The following RBM5 variants were observed in gnomAD, a reference collection of about 807,000 sequenced individuals.
The protein encoded by RBM5 is RNA binding motif protein 5.
In RBM5, 15 loss-of-function variants were observed where a neutral mutation model predicts 124.6. That is an observed-to-expected ratio of 0.12 (90% confidence interval 0.08 to 0.19). The LOEUF is 0.19. Among genes scored for constraint, RBM5 ranks in the 10% least tolerant of loss-of-function variants. The pLI, the probability that RBM5 is intolerant of heterozygous loss-of-function variation, is 1.00. For missense variants in RBM5, 580 were observed against 1,026.5 expected (o/e 0.57, Z 5.94); for synonymous variants, 337 against 361.2 (o/e 0.93, Z 0.76).
At position 50,103,247 on chromosome 3, in the gene RBM5, A is replaced by G. The variant is rs1285651504; in HGVS notation, c.567+81A>G. ...TTCTGTTTGTTTATTTGACTGTCCAAACAAGGAAATTGTTACTCAATCATC... is the reference window on the plus strand; with the variant it reads ...TTCTGTTTGTTTATTTGACTGTCCAGACAAGGAAATTGTTACTCAATCATC... On this transcript the variant is annotated intron_variant, in intron 7 of 24. Coordinates refer to ENST00000347869, the MANE Select transcript of RBM5 (RefSeq NM_005778.4). 20 of 1,165,368 alleles carry G rather than the reference A, an allele frequency of 1.7e-5. No homozygotes were observed. The East Asian group carries it at 4.5e-4, about 26-fold the overall frequency. The allele number at this position is 1,165,368 out of a possible 1,614,324, so 72.2% of individuals were successfully genotyped here.
chr3:50,103,169 A>G lies in RBM5; in HGVS notation c.567+3A>G. 8 of 1,599,546 alleles carry G rather than the reference A, an allele frequency of 5.0e-6. No individual in the cohort carries two copies. In the South Asian group the frequency reaches 8.8e-5, roughly 18 times the overall value. On this transcript the variant is annotated splice_donor_region_variant and intron_variant, in intron 7 of 24. Transcript: ENST00000347869. ...TTGAAGATTGGCTTTGTAACAAGGT[A>G]AGCATATGTTCTTCCCAAATAGACA... is the stretch of plus-strand genomic sequence containing the variant.
chr3:50,100,067 G>C lies in RBM5; in HGVS notation c.409+16G>C, dbSNP rs1339094168. 3 of 1,610,678 alleles carry C rather than the reference G, an allele frequency of 1.9e-6. No homozygotes were observed. In the African/African-American group the frequency reaches 4.0e-5, roughly 22 times the overall value. On this transcript the variant is annotated intron_variant, in intron 5 of 24. Transcript: ENST00000347869. This position sits in a 1 kb window ranked among gnomAD's most constrained non-coding sequence, Gnocchi z 5.1. Reference sequence around the variant, plus strand: ...AGGAAAACAGGTGAGAGCTTGCTTAGTTCCTGATATTATTGTTCTCTTCCC... The same window carrying C: ...AGGAAAACAGGTGAGAGCTTGCTTACTTCCTGATATTATTGTTCTCTTCCC...
In RBM5 at chr3:50,103,068, C is replaced by A. The variant is rs1559685646; in HGVS notation, c.484-15C>A. Reference sequence around the variant, plus strand: ...TCCTCACAATGGGAATAACTAATTACTTCTTTTCTTACAGAAAAAGTTGGT... The same window carrying A: ...TCCTCACAATGGGAATAACTAATTAATTCTTTTCTTACAGAAAAAGTTGGT... On this transcript the variant is annotated splice_polypyrimidine_tract_variant and intron_variant, in intron 6 of 24. Coordinates refer to ENST00000347869, the MANE Select transcript of RBM5 (RefSeq NM_005778.4). 6.4e-7 allele frequency: 1 copy of A among 1,571,478 alleles called. No individual in the cohort carries two copies. Among genetic ancestry groups the A allele is most frequent in the Non-Finnish European group, 8.8e-7 (1 of 1,141,316 alleles).
At chr3:50,110,315 A>G in intron 15 of RBM5, 64 bp from the exon 16 acceptor site, 1 of 1,389,074 alleles carries the variant, frequency 7.2e-7, no homozygotes, top group South Asian at 1.2e-5. Context: ...GGATGATTGC[A>G]GTGATTTAGC....
intron 12 of RBM5, 55 bp downstream of exon 12, chr3:50,107,624 C>A: frequency 1.8e-6 from 2 of 1,142,016 alleles, no homozygotes; most frequent in Non-Finnish European, 2.6e-6. Context: ...CCCAGATTCA[C>A]AGACGTGACC....
chr3:50,093,440 C>CAA (rs575148089), intron 3 of RBM5, among the ~76,000 whole-genome samples: 4 of 88,584 alleles, frequency 4.5e-5, no homozygotes, highest in South Asian at 3.6e-4. Context: ...GAAACTGTCT[C>CAA]AAAAAAAAAA....
chr3:50,107,308 C>T (rs1013105675), intron 11 of RBM5, among the ~76,000 whole-genome samples, 174 bp from the exon 12 acceptor site: 12 of 152,184 alleles, frequency 7.9e-5, no homozygotes, highest in Non-Finnish European at 2.9e-5. Context: ...AATGATACTA[C>T]AGGGCCACTT....
At position 50,118,698 on chromosome 3, in the gene RBM5, T is replaced by C; in HGVS notation, c.*242T>C. ...ACAGACCGGAGAGGACAGTGGATTG[T>C]TTATACTCCAGTGTACATAGTGTAA... On this transcript the variant is annotated 3_prime_UTR_variant, in exon 25 of 25. Transcript: ENST00000347869. The C allele has an allele frequency of 3.5e-6, 2 of 578,240 alleles. No individual in the cohort carries two copies. Among genetic ancestry groups the C allele is most frequent in the Non-Finnish European group, 6.1e-6 (2 of 328,304 alleles). The allele number at this position is 578,240 out of a possible 1,614,324, so 35.8% of individuals were successfully genotyped here. A position where few individuals can be genotyped will look rare whatever the true frequency, so the allele number is the denominator to read the frequency against.
chr3:50,105,399 C>T (rs113452623), intron 9 of RBM5, 150 bp from the exon 10 acceptor site: 7 of 919,774 alleles, frequency 7.6e-6, no homozygotes, highest in African/African-American at 6.6e-5. Context: ...CCTTAAAAGA[C>T]AGGATTTTTA....
chr3:50,110,610 T>G (rs560940230), intron 16 of RBM5, 69 bp from the exon 17 acceptor site: 1 of 1,496,212 alleles, frequency 6.7e-7, no homozygotes, highest in East Asian at 2.3e-5. Flanking sequence ...TGCATCTCAC[T>G]GGCTTAGAAT....
chr3:50,100,428 ATTGG>A lies in RBM5; in HGVS notation c.410-103_410-100del. On this transcript the variant is annotated intron_variant, in intron 5 of 24. Coordinates refer to ENST00000347869, the MANE Select transcript of RBM5 (RefSeq NM_005778.4). The surrounding 1 kb of genome is among the most constrained non-coding windows in gnomAD (Gnocchi z 5.1). ...GTCACATTTGTAAAGCTGCTTCCCA[ATTGG>A]CTTTGTCACGCAGTGTTGAAGCAGT... is the stretch of plus-strand genomic sequence containing the variant. 1 of 947,988 alleles carries A rather than the reference ATTGG, an allele frequency of 1.1e-6. No homozygotes were observed. The highest frequency in any genetic ancestry group is 2.4e-5 in the East Asian group (1 of 40,938). The allele number at this position is 947,988 out of a possible 1,614,324, so 58.7% of individuals were successfully genotyped here. A position where few individuals can be genotyped will look rare whatever the true frequency, so the allele number is the denominator to read the frequency against.
At chr3:50,092,953 T>G (rs1348938540) in intron 3 of RBM5, 1 of 208,048 alleles carries the variant, frequency 4.8e-6, no homozygotes, top group East Asian at 1.3e-4. Context: ...CTTTTTTTTT[T>G]TTTTTTTTTT....
intron 17 of RBM5, chr3:50,113,106 C>T (rs946544782): frequency 4.5e-6 from 1 of 222,790 alleles, no homozygotes; most frequent in Non-Finnish European, 8.9e-6. Flanking sequence ...TGCCCACCAC[C>T]ACCTCCCAAA....
Position 50,106,775 on chromosome 3 carries a change from T to G in RBM5, c.864T>G (p.Ser288=). 1 of 1,607,434 alleles carries G rather than the reference T, an allele frequency of 6.2e-7. No homozygotes were observed. The highest frequency in any genetic ancestry group is 8.5e-7 in the Non-Finnish European group (1 of 1,173,924). The change falls in exon 11 of 25, where the codon TCT becomes TCG. Residue 288 remains serine, a synonymous_variant. Transcript: ENST00000347869. ...TTCACATTCTCCTTCAGGATGCTTC[T>G]CAGCTGCTTCAGATATTACAGAGTC... ...FVQLSSAMDA[S]QLLQILQSLH... is the part of the protein sequence containing the mutation.
chr3:50,107,159 A>G, intron 11 of RBM5: 1 of 656,226 alleles, frequency 1.5e-6, no homozygotes, highest in South Asian at 1.5e-5. Context: ...CCATCCAGAA[A>G]TAACCCATTC....
At chr3:50,110,297 T>C in intron 15 of RBM5, 82 bp from the exon 16 acceptor site, 1 of 1,224,676 alleles carries the variant, frequency 8.2e-7, no homozygotes, top group Non-Finnish European at 1.2e-6. Context: ...AGGGGAGCCC[T>C]TCCTCCTGGA....
chr3:50,104,960 A>G lies in RBM5; in HGVS notation c.629-117A>G, dbSNP rs1187782370. 3.7e-6 allele frequency: 3 copies of G among 818,438 alleles called. No individual in the cohort carries two copies. The African/African-American group carries it at 5.2e-5, about 14-fold the overall frequency. 50.7% of individuals were successfully genotyped at this position (818,438 alleles called of 1,614,324 possible). A position where few individuals can be genotyped will look rare whatever the true frequency, so the allele number is the denominator to read the frequency against. ...TTTACTATAGGCACAAATGCTTAAAAAAGAAAAAAACGATTGTTTTGTGTG... is the reference window on the plus strand; with the variant it reads ...TTTACTATAGGCACAAATGCTTAAAGAAGAAAAAAACGATTGTTTTGTGTG... On this transcript the variant is annotated intron_variant, in intron 8 of 24. Coordinates refer to ENST00000347869, the MANE Select transcript of RBM5 (RefSeq NM_005778.4).
intron 3 of RBM5, 142 bp from the exon 4 acceptor site, chr3:50,093,578 A>T: frequency 1.1e-6 from 1 of 925,258 alleles, no homozygotes; most frequent in Non-Finnish European, 1.5e-6. Flanking sequence ...TGTCTCAAAA[A>T]AAAAAAATTG....
chr3:50,106,990 C>G, intron 11 of RBM5, 126 bp downstream of exon 11: 1 of 809,852 alleles, frequency 1.2e-6, no homozygotes, highest in South Asian at 1.4e-5. Flanking sequence ...TTGCCAAGGC[C>G]AGGAGGGACA....
Sources: gnomAD v4.1 joint callset for allele counts (sites outside exome capture counted in the v4.1 genomes callset) on GRCh38, gnomAD v4.1.1 for gene constraint, Gnocchi (gnomAD v3.1) non-coding constraint, MANE v1.5 for transcripts, NCBI Gene and HGNC (gene_info 2026-07-23, HGNC 2026-07-21) for gene names.